Variants in CNTFR observed in about 807,000 individuals in gnomAD.
CNTFR encodes ciliary neurotrophic factor receptor, also known as ciliary neurotrophic factor receptor subunit alpha.
Under a neutral mutation model 40.4 loss-of-function variants are expected in CNTFR, and 12 were observed. The ratio of observed to expected loss-of-function variants is 0.30; its 90% confidence interval spans 0.19 to 0.48. The LOEUF (loss-of-function observed/expected upper bound fraction) is 0.48, where lower values mean the gene tolerates loss of function less well. Among genes scored for constraint, CNTFR ranks in the 20% least tolerant of loss-of-function variants. The pLI is 0.99. For missense variants in CNTFR, 414 were observed against 506.8 expected (o/e 0.82, Z 1.76); for synonymous variants, 202 against 209.6 (o/e 0.96, Z 0.31).
In CNTFR at chr9:34,556,383, G is replaced by C. The variant is rs558465527; in HGVS notation, c.640C>G (p.Pro214Ala). The change falls in exon 7 of 10, where the codon CCA becomes GCA. Residue 214 changes from proline to alanine, a missense_variant. Pro to Ala is a conservative substitution (Grantham distance 27). Transcript: ENST00000378980. ...PDPPENVVAR[P>A]VPSNPRRLEV... ...AGCCGGCGAGGGTTGCTGGGCACTG[G>C]CCGGGCTACCACATTTTCTGGAGGA... The C allele has an allele frequency of 1.2e-6, 2 of 1,613,268 alleles. No individual in the cohort carries two copies. The highest frequency in any genetic ancestry group is 3.3e-5 in the Admixed American group (2 of 59,978).
intron 7 of CNTFR, 66 bp downstream of exon 7, chr9:34,556,189 G>A: frequency 1.3e-6 from 2 of 1,515,570 alleles, no homozygotes; most frequent in Non-Finnish European, 8.9e-7. Context: ...CGTGGGATAT[G>A]GGTGCCACTC....
chr9:34,556,516 A>C, intron 6 of CNTFR, 98 bp from the exon 7 acceptor site: 1 of 1,204,416 alleles, frequency 8.3e-7, no homozygotes, highest in Non-Finnish European at 1.2e-6. Flanking sequence ...ATTGCCAACC[A>C]TTGTCATCAA....
chr9:34,576,492 C>G (rs995499684), intron 2 of CNTFR, among the ~76,000 whole-genome samples: 10 of 152,242 alleles, frequency 6.6e-5, no homozygotes, highest in Admixed American at 5.9e-4. Flanking sequence ...GCCAGCACCT[C>G]AGGTTGCCTA....
chr9:34,568,861 G>A, intron 3 of CNTFR, 36 bp downstream of exon 3: 1 of 1,544,050 alleles, frequency 6.5e-7, no homozygotes, highest in Non-Finnish European at 8.8e-7. Flanking sequence ...CCAGCTCTGA[G>A]AGGGGGGTCA....
At chr9:34,574,308 A>G (rs1826846764) in intron 2 of CNTFR, among the ~76,000 whole-genome samples, 1 of 152,076 alleles carries the variant, frequency 6.6e-6, no homozygotes. Flanking sequence ...CTGTCTCCGA[A>G]TCTCTGATCT....
intron 7 of CNTFR, 133 bp downstream of exon 7, chr9:34,556,122 G>T: frequency 9.6e-7 from 1 of 1,036,938 alleles, no homozygotes; most frequent in Non-Finnish European, 1.4e-6. Flanking sequence ...AGGCCCACCT[G>T]TCCCTTTTCC....
intron 7 of CNTFR, among the ~76,000 whole-genome samples, chr9:34,553,166 C>T (rs1825705761): frequency 6.6e-6 from 1 of 152,178 alleles, no homozygotes; most frequent in South Asian, 2.1e-4. Flanking sequence ...GTTGCCCCTG[C>T]TCTCTCACAG....
rs564958210 is a variant in CNTFR at position 34,558,827 on chromosome 9, A to T, written c.320-843T>A. Among the ~76,000 whole-genome samples, 3 of 152,320 alleles carry T rather than the reference A, an allele frequency of 2.0e-5. No homozygotes were observed. In the South Asian group the frequency reaches 6.2e-4, roughly 32 times the overall value. ...CCCAGAGAGGGATAAGGACCTCTCAAGGTCAGACAGTAAGCCAGAGCTAAA... is the reference window on the plus strand; with the variant it reads ...CCCAGAGAGGGATAAGGACCTCTCATGGTCAGACAGTAAGCCAGAGCTAAA... On this transcript the variant is annotated intron_variant, in intron 4 of 9. Coordinates refer to ENST00000378980, the MANE Select transcript of CNTFR (RefSeq NM_147164.3).
chr9:34,577,051 A>T (rs903430412), intron 2 of CNTFR, among the ~76,000 whole-genome samples: 1 of 152,122 alleles, frequency 6.6e-6, no homozygotes, highest in African/African-American at 2.4e-5. Flanking sequence ...GCAGGAGGGG[A>T]GCAGGCAGAG....
chr9:34,579,504 G>A (rs1827180879), intron 2 of CNTFR, among the ~76,000 whole-genome samples: 1 of 152,054 alleles, frequency 6.6e-6, no homozygotes, highest in Admixed American at 6.6e-5. Flanking sequence ...ACTGGGAGAG[G>A]AGAGACAGAA....
rs57005343 is a variant in CNTFR, at chr9:34,564,394, G to C, written c.319+205C>G. On this transcript the variant is annotated intron_variant, in intron 4 of 9. Transcript: ENST00000378980. ...ACCTCCACGGGGGTGGGATGTGTGG[G>C]CAAATTGTCTAGGGGTCTGGACTCA... 6.4e-3 allele frequency among the ~76,000 whole-genome samples: 972 copies of C among 152,326 alleles called. 9 individuals are homozygous for C. The highest frequency in any genetic ancestry group is 0.022 in the African/African-American group (920 of 41,570).
At chr9:34,565,302 C>T (rs1375874306) in intron 3 of CNTFR, among the ~76,000 whole-genome samples, 1 of 152,088 alleles carries the variant, frequency 6.6e-6, no homozygotes, top group African/African-American at 2.4e-5. Flanking sequence ...TCCTGGACTC[C>T]TTTTTCGGTC....
chr9:34,583,786 C>T (rs1827430635), intron 1 of CNTFR, among the ~76,000 whole-genome samples: 1 of 152,178 alleles, frequency 6.6e-6, no homozygotes, highest in South Asian at 2.1e-4. Flanking sequence ...GGTGCCAAAA[C>T]CGCCTTCTCT....
intron 2 of CNTFR, among the ~76,000 whole-genome samples, chr9:34,572,668 T>C (rs981669153): frequency 3.1e-4 from 47 of 152,312 alleles, no homozygotes; most frequent in African/African-American, 1.1e-3. Context: ...TTACTGCCAT[T>C]GTCCCACTGT....
chr9:34,580,660 G>A (rs1357992506), intron 2 of CNTFR, among the ~76,000 whole-genome samples: 5 of 152,212 alleles, frequency 3.3e-5, no homozygotes, highest in African/African-American at 1.2e-4. Context: ...GAGAGACAGG[G>A]AGAGTCAGGC....
chr9:34,555,918 TGCCATCTCCCTCCCC>T (rs1564057573), intron 7 of CNTFR, among the ~76,000 whole-genome samples: 12 of 30,792 alleles, frequency 3.9e-4, no homozygotes, highest in South Asian at 1.0e-3. Flanking sequence ...CTCCCTCCCC[TGCCATCTCCCTCCCC>T]CGCCATCTCC....
rs1034745900 is a variant in CNTFR at position 34,589,319 on chromosome 9, G to C, written c.-112+236C>G. Among the ~76,000 whole-genome samples the C allele has an allele frequency of 6.6e-6, 1 of 152,132 alleles. No individual in the cohort carries two copies. The highest frequency in any genetic ancestry group is 6.5e-5 in the Admixed American group (1 of 15,302). On this transcript the variant is annotated intron_variant, in intron 1 of 9. Coordinates refer to ENST00000378980, the MANE Select transcript of CNTFR (RefSeq NM_147164.3). This position sits in a 1 kb window ranked among gnomAD's most constrained non-coding sequence, Gnocchi z 4.4. ...AGCCACCTCCCTCTAGTCCACAGTC[G>C]GCCCCACCACCACCACCACGCCCAA...
intron 3 of CNTFR, among the ~76,000 whole-genome samples, chr9:34,568,691 A>G (rs549524754): frequency 2.9e-4 from 44 of 152,244 alleles, no homozygotes; most frequent in Non-Finnish European, 5.9e-4. Flanking sequence ...ATCTCAAGCC[A>G]GAGACACCGT....
intron 2 of CNTFR, among the ~76,000 whole-genome samples, chr9:34,574,067 G>A (rs978476911): frequency 6.6e-6 from 1 of 152,024 alleles, no homozygotes; most frequent in African/African-American, 2.4e-5. Flanking sequence ...GATCCCACCA[G>A]GCCTAGGCAG....
Sources: allele counts gnomAD v4.1 joint callset (sites outside exome capture counted in the v4.1 genomes callset), GRCh38; gene constraint gnomAD v4.1.1; non-coding constraint Gnocchi (gnomAD v3.1); transcripts MANE v1.5; gene names NCBI Gene and HGNC (gene_info 2026-07-23, HGNC 2026-07-21).